Variants in TTYH2 observed in about 807,000 individuals in gnomAD.
TTYH2 encodes protein tweety homolog 2.
Under a neutral mutation model 68.3 loss-of-function variants are expected in TTYH2, and 49 were observed. The ratio of observed to expected loss-of-function variants is 0.72; its 90% CI spans 0.57 to 0.91. The LOEUF is 0.91. TTYH2 is among the 40% of genes least tolerant of loss of function. TTYH2 has a pLI of 0.00. For synonymous variants in TTYH2, 272 were observed against 300.8 expected, an observed-to-expected ratio of 0.90 and a Z score of 0.99; for missense variants, 631 against 700.4, an observed-to-expected ratio of 0.90 and a Z score of 1.12.
intron 4 of TTYH2, chr17:74,240,725 TA>T (rs2050491378): frequency 6.6e-6 from 1 of 152,196 alleles, no homozygotes; most frequent in Non-Finnish European, 1.5e-5. Context: ...TTTGAGAGGC[TA>T]CGGTTGAGGG....
At chr17:74,219,165 C>T (rs537775538) in intron 1 of TTYH2, among the ~76,000 whole-genome samples, 29 of 150,498 alleles carry the variant, frequency 1.9e-4, no homozygotes, top group African/African-American at 6.4e-4. Context: ...TATAGTCAGC[C>T]GAGATCACGC....
intron 10 of TTYH2, chr17:74,252,000 A>C: frequency 1.8e-6 from 1 of 544,802 alleles, no homozygotes; most frequent in Non-Finnish European, 3.3e-6. Flanking sequence ...CCAGCTTCTT[A>C]GTGCCCAGCT....
intron 11 of TTYH2, among the ~76,000 whole-genome samples, chr17:74,252,644 TCTC>T (rs2050645687): frequency 6.6e-6 from 1 of 152,134 alleles, no homozygotes; most frequent in Admixed American, 6.5e-5. Context: ...TGGCCTCCCT[TCTC>T]CTCTCTTCTC....
At chr17:74,249,232 C>T (rs2050593012) in intron 7 of TTYH2, 112 bp from the exon 8 acceptor site, 3 of 1,562,778 alleles carry the variant, frequency 1.9e-6, no homozygotes, top group Non-Finnish European at 2.6e-6. Context: ...CTAGAAAGTG[C>T]CTCCCTTGGG....
At chr17:74,257,779 CAG>C (rs1185635249) in intron 13 of TTYH2, among the ~76,000 whole-genome samples, 1 of 152,206 alleles carries the variant, frequency 6.6e-6, no homozygotes, top group Non-Finnish European at 1.5e-5. Context: ...CTTACAGAAA[CAG>C]AATATCTTGG....
In TTYH2 at chr17:74,230,926, C is replaced by T; in HGVS notation, c.341C>T (p.Thr114Ile). The T allele has an allele frequency of 6.2e-7, 1 of 1,614,212 alleles. No homozygotes were observed. The highest frequency in any genetic ancestry group is 8.5e-7 in the Non-Finnish European group (1 of 1,180,036). The part of the protein sequence containing the change: ...VGVGFYGNSE[T>I]NDGAYQLMYS... Reference sequence around the variant, plus strand: ...GTTGGTTTCTATGGAAACAGCGAGACCAACGATGGGGCGTACCAGCTGATG... The same window carrying T: ...GTTGGTTTCTATGGAAACAGCGAGATCAACGATGGGGCGTACCAGCTGATG... Residue 114 changes from threonine to isoleucine, a missense_variant, in exon 3 of 14, where the codon ACC (threonine) becomes ATC (isoleucine). Transcript: ENST00000269346.
intron 6 of TTYH2, among the ~76,000 whole-genome samples, chr17:74,245,076 C>T (rs2050542903): frequency 6.6e-6 from 1 of 152,186 alleles, no homozygotes; most frequent in Non-Finnish European, 1.5e-5. Flanking sequence ...ACCACACTCA[C>T]ACCTCGTCCA....
chr17:74,244,860 GTGTGTGTGTGTGTGTGTGTGTGTT>G (rs1316756565), intron 6 of TTYH2, among the ~76,000 whole-genome samples: 7 of 55,202 alleles, frequency 1.3e-4, no homozygotes, highest in Middle Eastern at 8.9e-3. Context: ...GGTGCAGTGT[GTGTGTGTGTGTGTGTGTGTGTGTT>G]TGTGTGTGTG....
chr17:74,235,326 C>T (rs2050431791), intron 3 of TTYH2, among the ~76,000 whole-genome samples: 1 of 152,184 alleles, frequency 6.6e-6, no homozygotes, highest in Non-Finnish European at 1.5e-5. Context: ...ATCTCCCAGA[C>T]CCGTGGGAGC....
At chr17:74,235,941 C>T (rs1016249485) in intron 3 of TTYH2, among the ~76,000 whole-genome samples, 1 of 151,064 alleles carries the variant, frequency 6.6e-6, no homozygotes, top group Non-Finnish European at 1.5e-5. Context: ...AATGGATGAA[C>T]GGGCTACTCT....
chr17:74,229,551 C>CA (rs1213375162), intron 2 of TTYH2, among the ~76,000 whole-genome samples: 1 of 152,074 alleles, frequency 6.6e-6, no homozygotes, highest in Non-Finnish European at 1.5e-5. Flanking sequence ...CAGCTCAAGT[C>CA]AAAAACCTGC....
chr17:74,252,143 G>T, intron 10 of TTYH2, 91 bp from the exon 11 acceptor site: 1 of 1,552,448 alleles, frequency 6.4e-7, no homozygotes. Context: ...CCAGGTCCAG[G>T]CTCGGGGGAG....
In TTYH2 at chr17:74,244,855, A is replaced by AGTGTGTGTGTGT. The variant is rs58119512; in HGVS notation, c.804+823_804+834dup. Among the ~76,000 whole-genome samples the AGTGTGTGTGTGT allele has an allele frequency of 2.2e-3, 328 of 149,922 alleles. 3 individuals are homozygous for AGTGTGTGTGTGT. The highest frequency in any genetic ancestry group is 7.2e-3 in the African/African-American group (296 of 41,030). On this transcript the variant is annotated intron_variant, in intron 6 of 13. Transcript: ENST00000269346. ...CCAGGCTTTGATACAGTGGAGGTGCAGTGTGTGTGTGTGTGTGTGTGTGTG... is the reference window on the plus strand; with the variant it reads ...CCAGGCTTTGATACAGTGGAGGTGCAGTGTGTGTGTGTGTGTGTGTGTGTGTGTGTGTGTGTG...
chr17:74,225,620 A>G (rs1331129245), intron 2 of TTYH2, among the ~76,000 whole-genome samples: 1 of 152,202 alleles, frequency 6.6e-6, no homozygotes, highest in African/African-American at 2.4e-5. Context: ...AGGAGCCACC[A>G]CCACCTGCAG....
Position 74,213,805 on chromosome 17 carries a change from G to T in TTYH2, c.129+89G>T, listed in dbSNP as rs965488661. ...CCCTCGAGAGCCTGCACTTTCCCACGTGCCTCTCAGACCCCTTCTCTCCCC... is the reference window on the plus strand; with the variant it reads ...CCCTCGAGAGCCTGCACTTTCCCACTTGCCTCTCAGACCCCTTCTCTCCCC... On this transcript the variant is annotated intron_variant, in intron 1 of 13. Transcript: ENST00000269346. This position sits in a 1 kb window ranked among gnomAD's most constrained non-coding sequence, Gnocchi z 6.1. The T allele has an allele frequency of 8.1e-6, 12 of 1,490,240 alleles. No homozygotes were observed. In the African/African-American group the frequency reaches 1.1e-4, roughly 14 times the overall value. 92.3% of individuals were successfully genotyped at this position (1,490,240 alleles called of 1,614,324 possible). A position where few individuals can be genotyped will look rare whatever the true frequency, so the allele number is the denominator to read the frequency against.
intron 12 of TTYH2, 57 bp from the exon 13 acceptor site, chr17:74,253,698 T>C: frequency 6.4e-7 from 1 of 1,573,054 alleles, no homozygotes; most frequent in Non-Finnish European, 8.7e-7. Context: ...TGTAGAAATC[T>C]ACACACACCC....
chr17:74,219,245 T>G (rs1005836400), intron 1 of TTYH2, among the ~76,000 whole-genome samples: 1 of 149,302 alleles, frequency 6.7e-6, no homozygotes, highest in African/African-American at 2.5e-5. Context: ...AAAAATTAGC[T>G]GGGCCTGGTA....
chr17:74,219,877 T>A (rs892211507), intron 1 of TTYH2, among the ~76,000 whole-genome samples: 1 of 152,212 alleles, frequency 6.6e-6, no homozygotes, highest in African/African-American at 2.4e-5. Flanking sequence ...CTGTGAACAT[T>A]TGTGTATCTT....
At chr17:74,253,949 A>C in intron 13 of TTYH2, 116 bp downstream of exon 13, 2 of 1,128,940 alleles carry the variant, frequency 1.8e-6, no homozygotes, top group Admixed American at 3.9e-5. Context: ...CTGTTATTGA[A>C]TATGCACTAA....
Sources: allele counts gnomAD v4.1 joint callset (sites outside exome capture counted in the v4.1 genomes callset), GRCh38; gene constraint gnomAD v4.1.1; non-coding constraint Gnocchi (gnomAD v3.1); transcripts MANE v1.5; gene names NCBI Gene and HGNC (gene_info 2026-07-23, HGNC 2026-07-21).